CHAT: variants seen among roughly 807,000 people sequenced by gnomAD.
CHAT encodes acetyl CoA:choline O-acetyltransferase.
A neutral mutation model predicts 76.9 loss-of-function variants in CHAT; 61 were observed. The observed-to-expected ratio is 0.79, with a 90% CI of 0.65 to 0.98. The LOEUF (loss-of-function observed/expected upper bound fraction) is 0.98, where lower values mean the gene tolerates loss of function less well. Among genes scored for constraint, CHAT ranks in the 50% least tolerant of loss-of-function variants. The probability of loss-of-function intolerance (pLI) is 0.00; values close to 1 mark genes in which losing one functional copy is unlikely to be tolerated. For missense variants in CHAT, 946 were observed against 986.9 expected (o/e 0.96, Z 0.56); for synonymous variants, 407 against 397.4 (o/e 1.02, Z -0.29).
chr10:49,636,118 C>T (rs373312535), intron 7 of CHAT, among the ~76,000 whole-genome samples: 7 of 152,240 alleles, frequency 4.6e-5, no homozygotes, highest in Admixed American at 1.3e-4. Context: ...TATAGTCTTT[C>T]GCCTTTAAAT....
At chr10:49,611,943 G>T, upstream of CHAT, 3 of 1,612,508 alleles carry the variant, frequency 1.9e-6, no homozygotes, top group Non-Finnish European at 2.5e-6. Flanking sequence ...ACACAGCACT[G>T]CTGCCCACGC....
At chr10:49,626,048 C>T (rs1165971260) in intron 6 of CHAT, among the ~76,000 whole-genome samples, 1 of 152,236 alleles carries the variant, frequency 6.6e-6, no homozygotes, top group Non-Finnish European at 1.5e-5. Context: ...GTGGGCTCAG[C>T]ACTTAACATG....
chr10:49,666,392 C>T lies in CHAT; in HGVS notation c.*1346C>T, dbSNP rs372726737. ...ACAAGAGGCACTTCCTATTAGAGCA[C>T]ATTTTTATGGGAAGTCTAAAGGGCA... On this transcript the variant is annotated 3_prime_UTR_variant, in exon 15 of 15. Coordinates refer to ENST00000337653, the MANE Select transcript of CHAT (RefSeq NM_020549.5). 2.4e-3 allele frequency among the ~76,000 whole-genome samples: 363 copies of T among 152,308 alleles called. 19 individuals are homozygous for T. The South Asian group carries it at 0.069, about 29-fold the overall frequency.
At chr10:49,628,871 C>T (rs1041573144) in intron 7 of CHAT, among the ~76,000 whole-genome samples, 4 of 152,274 alleles carry the variant, frequency 2.6e-5, no homozygotes, top group African/African-American at 9.6e-5. Flanking sequence ...AGGAGAATAG[C>T]TGCCCAGCAA....
chr10:49,648,722 A>G, intron 9 of CHAT, 115 bp downstream of exon 9: 1 of 600,278 alleles, frequency 1.7e-6, no homozygotes, highest in South Asian at 1.6e-5. Context: ...AAAAATGTGT[A>G]CTATACACAC....
chr10:49,662,534 A>G, intron 13 of CHAT, 111 bp from the exon 14 acceptor site: 1 of 1,392,538 alleles, frequency 7.2e-7, no homozygotes, highest in South Asian at 1.2e-5. Flanking sequence ...CTGGGTAAGC[A>G]TGAGCCGTGG....
chr10:49,635,728 AC>A (rs1339265690), intron 7 of CHAT, among the ~76,000 whole-genome samples: 1 of 152,176 alleles, frequency 6.6e-6, no homozygotes, highest in Non-Finnish European at 1.5e-5. Context: ...AAATTCAACA[AC>A]CATTCATGAT....
chr10:49,611,226 G>T (rs890517376), upstream of CHAT: 1 of 1,613,938 alleles, frequency 6.2e-7, no homozygotes, highest in African/African-American at 1.3e-5. Context: ...TGGGCGTCAT[G>T]TTCGCCTCTA....
intron 7 of CHAT, among the ~76,000 whole-genome samples, chr10:49,643,161 A>G (rs1839542974): frequency 6.6e-6 from 1 of 152,240 alleles, no homozygotes; most frequent in Non-Finnish European, 1.5e-5. Context: ...TACCTATCTT[A>G]TATGCATCAA....
At chr10:49,659,519 G>A (rs61849365) in intron 13 of CHAT, among the ~76,000 whole-genome samples, 29,082 of 152,196 alleles carry the variant, frequency 0.19, 3,411 homozygotes, top group Middle Eastern at 0.26. Context: ...GAAGCAAGAA[G>A]TGAGAGGACA....
upstream of CHAT, chr10:49,611,023 G>A: frequency 6.2e-7 from 1 of 1,613,836 alleles, no homozygotes; most frequent in Non-Finnish European, 8.5e-7. Context: ...CGCCTACACG[G>A]CCAACACCTC....
chr10:49,658,083 T>C (rs1293367281), intron 13 of CHAT, among the ~76,000 whole-genome samples: 1 of 152,206 alleles, frequency 6.6e-6, no homozygotes, highest in Non-Finnish European at 1.5e-5. Context: ...AAAATCTTTT[T>C]AAAAAAACTT....
At chr10:49,641,020 T>A (rs1839462137) in intron 7 of CHAT, among the ~76,000 whole-genome samples, 1 of 152,228 alleles carries the variant, frequency 6.6e-6, no homozygotes, top group South Asian at 2.1e-4. Flanking sequence ...AGACATTTAT[T>A]TCTCACAGTT....
At chr10:49,641,622 T>C (rs1360683798) in intron 7 of CHAT, among the ~76,000 whole-genome samples, 1 of 152,070 alleles carries the variant, frequency 6.6e-6, no homozygotes, top group African/African-American at 2.4e-5. Flanking sequence ...CGATGGCAGA[T>C]TTACCTCCCA....
At chr10:49,614,515 C>A in intron 1 of CHAT, 40 bp downstream of exon 1, 1 of 1,525,622 alleles carries the variant, frequency 6.6e-7, no homozygotes, top group Non-Finnish European at 8.8e-7. Flanking sequence ...GAGCGCGGTG[C>A]CGGGAGCAAG....
At chr10:49,611,455 G>T (rs775213086), upstream of CHAT, 201 of 1,598,308 alleles carry the variant, frequency 1.3e-4, no homozygotes, top group Non-Finnish European at 1.6e-4. Context: ...CTATGAGTTC[G>T]CCGGCAAGCG....
At chr10:49,623,813 G>A (rs887864882) in intron 5 of CHAT, among the ~76,000 whole-genome samples, 3 of 152,156 alleles carry the variant, frequency 2.0e-5, no homozygotes, top group Non-Finnish European at 4.4e-5. Context: ...GCACCTTCAT[G>A]TAACCCATGG....
chr10:49,641,793 C>T (rs905012202), intron 7 of CHAT, among the ~76,000 whole-genome samples: 1 of 152,160 alleles, frequency 6.6e-6, no homozygotes, highest in Non-Finnish European at 1.5e-5. Context: ...GTGCTAACTT[C>T]TCAGGGAATA....
At chr10:49,635,368 G>A (rs979181750) in intron 7 of CHAT, among the ~76,000 whole-genome samples, 2 of 152,150 alleles carry the variant, frequency 1.3e-5, no homozygotes, top group African/African-American at 4.8e-5. Flanking sequence ...CCAGTTTTGA[G>A]CTATTAAAGC....
Sources: allele counts gnomAD v4.1 joint callset (sites outside exome capture counted in the v4.1 genomes callset), GRCh38; gene constraint gnomAD v4.1.1; transcripts MANE v1.5; gene names NCBI Gene and HGNC (gene_info 2026-07-23, HGNC 2026-07-21).